CSMD1: variants seen among roughly 807,000 people sequenced by gnomAD.
CSMD1 encodes CUB and sushi domain-containing protein 1.
A neutral mutation model predicts 417.5 loss-of-function variants in CSMD1; 213 were observed. The ratio of observed to expected loss-of-function variants is 0.51; its 90% confidence interval spans 0.46 to 0.57. The LOEUF (loss-of-function observed/expected upper bound fraction) is 0.57, where lower values mean the gene tolerates loss of function less well. Among genes scored for constraint, CSMD1 ranks in the 20% least tolerant of loss-of-function variants. CSMD1 has a pLI of 0.00. For missense variants in CSMD1, 6,923 were observed against 4,529.7 expected (o/e 1.53, Z -15.17); for synonymous variants, 2,862 against 1,736.8 (o/e 1.65, Z -16.11).
chr8:3,363,224 A>G (rs1809315444), intron 20 of CSMD1, among the ~76,000 whole-genome samples: 1 of 152,176 alleles, frequency 6.6e-6, no homozygotes, highest in Non-Finnish European at 1.5e-5. Context: ...TGCCTAGGCA[A>G]TTAAAGAATG....
In CSMD1 at chr8:3,276,291, A is replaced by T. The variant is rs545628119; in HGVS notation, c.4153+7853T>A. On this transcript the variant is annotated intron_variant, in intron 26 of 69. Transcript: ENST00000635120. ...GCAGTCTTCCTGTTGTCAGATCTCC[A>T]GCTGCATGCTGGGAGAACCACTGCT... Among the ~76,000 whole-genome samples the T allele has an allele frequency of 2.7e-3, 411 of 152,272 alleles. 1 individual carries two copies. Among genetic ancestry groups the T allele is most frequent in the Non-Finnish European group, 4.4e-3 (298 of 68,018 alleles).
intron 3 of CSMD1, among the ~76,000 whole-genome samples, chr8:4,340,215 G>C (rs747564709): frequency 4.6e-5 from 7 of 151,856 alleles, no homozygotes; most frequent in Non-Finnish European, 1.0e-4. Context: ...GCCAAGAAGA[G>C]CTTGCTATGC....
intron 3 of CSMD1, among the ~76,000 whole-genome samples, chr8:4,256,696 C>A (rs1177265626): frequency 2.7e-5 from 4 of 150,638 alleles, no homozygotes; most frequent in African/African-American, 9.8e-5. Flanking sequence ...GCAGATGGGC[C>A]GGGCGTGGTG....
At chr8:3,330,844 G>C (rs1268823708) in intron 23 of CSMD1, among the ~76,000 whole-genome samples, 1 of 152,152 alleles carries the variant, frequency 6.6e-6, no homozygotes, top group Non-Finnish European at 1.5e-5. Context: ...CAGCAGGTAG[G>C]ATACTATAGC....
At chr8:4,022,408 TAC>T (rs1432062492) in intron 4 of CSMD1, among the ~76,000 whole-genome samples, 1 of 152,120 alleles carries the variant, frequency 6.6e-6, no homozygotes, top group African/African-American at 2.4e-5. Flanking sequence ...ATTTTCTATG[TAC>T]AGTTTGTACT....
intron 5 of CSMD1, among the ~76,000 whole-genome samples, chr8:3,809,984 A>G (rs977188901): frequency 6.6e-6 from 1 of 152,208 alleles, no homozygotes; most frequent in East Asian, 1.9e-4. Context: ...CTGCAGGCCA[A>G]AATAGACACC....
intron 10 of CSMD1, among the ~76,000 whole-genome samples, chr8:3,507,509 G>T (rs889679161): frequency 3.9e-5 from 6 of 152,038 alleles, no homozygotes; most frequent in African/African-American, 1.4e-4. Context: ...TAATCCTTTG[G>T]GTATATACCT....
intron 12 of CSMD1, among the ~76,000 whole-genome samples, chr8:3,447,297 T>C (rs1393277448): frequency 6.6e-6 from 1 of 151,852 alleles, no homozygotes; most frequent in East Asian, 1.9e-4. Flanking sequence ...AATATTTTAA[T>C]GAAATAAAAA....
chr8:4,841,635 G>A (rs1224435059), intron 1 of CSMD1, among the ~76,000 whole-genome samples: 2 of 152,066 alleles, frequency 1.3e-5, no homozygotes, highest in Non-Finnish European at 2.9e-5. Context: ...AACAGGTCAG[G>A]CGCGGTGGCT....
intron 3 of CSMD1, among the ~76,000 whole-genome samples, chr8:4,299,114 C>T (rs946791925): frequency 4.6e-5 from 7 of 152,042 alleles, no homozygotes; most frequent in Non-Finnish European, 8.8e-5. Context: ...TGATAGAATA[C>T]AGAAAACATT....
At chr8:3,141,012 G>A (rs78462600) in intron 41 of CSMD1, among the ~76,000 whole-genome samples, 8,850 of 152,252 alleles carry the variant, frequency 0.058, 812 homozygotes, top group African/African-American at 0.2. Context: ...ACATACCTGA[G>A]AGACCTACAG....
chr8:4,125,051 G>C (rs558957445), intron 3 of CSMD1, among the ~76,000 whole-genome samples: 1 of 152,078 alleles, frequency 6.6e-6, no homozygotes, highest in East Asian at 1.9e-4. Context: ...CTCTAATTCA[G>C]CTGTAACACT....
chr8:3,187,392 A>G (rs975454402), intron 36 of CSMD1, among the ~76,000 whole-genome samples: 16 of 152,154 alleles, frequency 1.1e-4, no homozygotes, highest in Non-Finnish European at 1.9e-4. Context: ...TCGGAGGTGC[A>G]AGGAAGACTA....
chr8:3,953,869 T>A (rs1246716338), intron 5 of CSMD1, among the ~76,000 whole-genome samples: 2 of 152,156 alleles, frequency 1.3e-5, no homozygotes, highest in Non-Finnish European at 2.9e-5. Context: ...TGGTCTCCTG[T>A]GTGAGGTGCT....
intron 25 of CSMD1, among the ~76,000 whole-genome samples, chr8:3,296,147 C>G (rs1803947624): frequency 1.3e-5 from 2 of 151,900 alleles, no homozygotes; most frequent in East Asian, 1.9e-4. Flanking sequence ...GATACTAATT[C>G]TTAGGGGAGG....
chr8:4,984,314 A>T (rs62491283), intron 1 of CSMD1, among the ~76,000 whole-genome samples: 2 of 152,236 alleles, frequency 1.3e-5, no homozygotes, highest in Non-Finnish European at 2.9e-5. Context: ...GCATGAGAGT[A>T]GAAAGGAGCA....
intron 6 of CSMD1, among the ~76,000 whole-genome samples, chr8:3,718,215 T>C (rs1017399456): frequency 6.6e-6 from 1 of 152,222 alleles, no homozygotes; most frequent in Non-Finnish European, 1.5e-5. Flanking sequence ...TTTTTTAAAG[T>C]CTGGAAACAG....
At chr8:3,445,111 G>C (rs1310884231) in intron 12 of CSMD1, among the ~76,000 whole-genome samples, 2 of 152,132 alleles carry the variant, frequency 1.3e-5, no homozygotes, top group Non-Finnish European at 2.9e-5. Flanking sequence ...ACAGAAAATA[G>C]GAGCAACATA....
chr8:3,601,454 C>T (rs1297127384), intron 8 of CSMD1, among the ~76,000 whole-genome samples: 1 of 152,160 alleles, frequency 6.6e-6, no homozygotes, highest in Non-Finnish European at 1.5e-5. Context: ...TATTTAGTCA[C>T]CTATCTCTAA....
Sources: gnomAD v4.1 joint callset for allele counts (sites outside exome capture counted in the v4.1 genomes callset) on GRCh38, gnomAD v4.1.1 for gene constraint, MANE v1.5 for transcripts, NCBI Gene and HGNC (gene_info 2026-07-23, HGNC 2026-07-21) for gene names.